The following WWOX variants were observed in gnomAD, a reference collection of about 807,000 sequenced individuals.
WWOX encodes the protein WW domain containing oxidoreductase, also known as WW domain-containing oxidoreductase.
In WWOX, 69 loss-of-function variants were observed where a neutral mutation model predicts 46.2. The ratio of observed to expected loss-of-function variants is 1.49; its 90% CI spans 1.23 to 1.82. WWOX has a LOEUF of 1.82. WWOX is among the 40% of genes most tolerant of loss of function. The pLI is 0.00. For synonymous variants in WWOX, 359 were observed against 202.6 expected, an observed-to-expected ratio of 1.77 and a Z score of -6.56; for missense variants, 919 against 542.6, an observed-to-expected ratio of 1.69 and a Z score of -6.89.
chr16:78,564,577 A>G (rs542188971), intron 8 of WWOX, among the ~76,000 whole-genome samples: 3 of 152,196 alleles, frequency 2.0e-5, no homozygotes, highest in Admixed American at 6.5e-5. Context: ...GAGGTCTCAT[A>G]TCAAGAAAAG....
At position 78,710,486 on chromosome 16, in the gene WWOX, A is replaced by ATATATATATATATATATATATT. The variant is rs1303049001; in HGVS notation, c.1056+277747_1056+277748insATATATATTTATATATATATAT. ...GCTAATGGATCTCATATATATATAT[A>ATATATATATATATATATATATT]TATATATATATATTTATATAAATAT... On this transcript the variant is annotated intron_variant, in intron 8 of 8. Coordinates refer to ENST00000566780, the MANE Select transcript of WWOX (RefSeq NM_016373.4). 5.7e-3 allele frequency among the ~76,000 whole-genome samples: 731 copies of ATATATATATATATATATATATT among 127,236 alleles called. 17 individuals carry two copies. The highest frequency in any genetic ancestry group is 9.5e-3 in the Non-Finnish European group (574 of 60,416). The allele number at this position is 127,236 out of a possible 152,430, so 83.5% of individuals were successfully genotyped here.
At chr16:79,139,316 A>G (rs72797415) in intron 8 of WWOX, among the ~76,000 whole-genome samples, 2,886 of 152,320 alleles carry the variant, frequency 0.019, 46 homozygotes, top group Middle Eastern at 0.061. Flanking sequence ...CAGCTACAGA[A>G]GCAAAGTGTT....
At chr16:78,419,526 AAAAT>A (rs1319452235) in intron 6 of WWOX, among the ~76,000 whole-genome samples, 3 of 151,792 alleles carry the variant, frequency 2.0e-5, no homozygotes, top group Admixed American at 2.0e-4. Context: ...AAGACAATTC[AAAAT>A]AGTCTTTTCA....
chr16:79,180,543 G>C (rs1042281478), intron 8 of WWOX, among the ~76,000 whole-genome samples: 1 of 152,160 alleles, frequency 6.6e-6, no homozygotes, highest in Non-Finnish European at 1.5e-5. Flanking sequence ...AGGAGATAGG[G>C]GCAGGAGGAA....
chr16:78,137,473 C>T lies in WWOX; in HGVS notation c.409+22319C>T, dbSNP rs868521750. Among the ~76,000 whole-genome samples the T allele has an allele frequency of 4.6e-5, 7 of 152,128 alleles. No homozygotes were observed. The South Asian group carries it at 8.3e-4, about 18-fold the overall frequency. On this transcript the variant is annotated intron_variant, in intron 4 of 8. Coordinates refer to ENST00000566780, the MANE Select transcript of WWOX (RefSeq NM_016373.4). ...GAAAGCAACTAGTGTGGTGTCTGACCGCTTGTGTTAGTCCATGAGGAATTT... is the reference window on the plus strand; with the variant it reads ...GAAAGCAACTAGTGTGGTGTCTGACTGCTTGTGTTAGTCCATGAGGAATTT...
intron 5 of WWOX, among the ~76,000 whole-genome samples, chr16:78,353,624 T>C (rs936877380): frequency 6.6e-6 from 1 of 152,248 alleles, no homozygotes; most frequent in Non-Finnish European, 1.5e-5. Context: ...GGATAATTAG[T>C]ATTATCTTTG....
chr16:78,126,279 A>G (rs1379058763), intron 4 of WWOX, among the ~76,000 whole-genome samples: 1 of 152,190 alleles, frequency 6.6e-6, no homozygotes, highest in Non-Finnish European at 1.5e-5. Context: ...GGAATTGCTG[A>G]ATGAAGTGAT....
At chr16:79,132,127 AACACACACACACACACACAC>A (rs141785224) in intron 8 of WWOX, among the ~76,000 whole-genome samples, 21 of 141,584 alleles carry the variant, frequency 1.5e-4, no homozygotes, top group East Asian at 2.1e-4. Context: ...CACTTGCAGA[AACACACACACACACACACAC>A]ACACACACAC....
chr16:79,021,106 G>C (rs1007998383), intron 8 of WWOX, among the ~76,000 whole-genome samples: 5 of 152,204 alleles, frequency 3.3e-5, no homozygotes, highest in African/African-American at 9.6e-5. Context: ...TGCTAGTCCA[G>C]TGCTTGGCCA....
At chr16:78,442,461 C>A (rs988337788) in intron 8 of WWOX, among the ~76,000 whole-genome samples, 1 of 152,120 alleles carries the variant, frequency 6.6e-6, no homozygotes, top group Non-Finnish European at 1.5e-5. Flanking sequence ...TTCCCCACTA[C>A]CAGCCCCTCC....
chr16:78,897,524 G>T (rs1006922238), intron 8 of WWOX: 4 of 152,136 alleles, frequency 2.6e-5, no homozygotes, highest in Admixed American at 1.3e-4. Context: ...TTCAATGCTG[G>T]ATAGTATCCT....
chr16:78,876,732 C>A (rs1011682940), intron 8 of WWOX, among the ~76,000 whole-genome samples: 1 of 152,066 alleles, frequency 6.6e-6, no homozygotes, highest in Non-Finnish European at 1.5e-5. Context: ...TGGATTTTAT[C>A]TCAGAAAATT....
In WWOX at chr16:78,541,052, TA is replaced by T. The variant is rs1567631748; in HGVS notation, c.1056+108301del. On this transcript the variant is annotated intron_variant, in intron 8 of 8. Coordinates refer to ENST00000566780, the MANE Select transcript of WWOX (RefSeq NM_016373.4). ...GTGGCGTGGGTAGATACAATTAATT[TA>T]GATTTTTTAAAAGGCTTTTGAGAAT... Among the ~76,000 whole-genome samples the T allele has an allele frequency of 2.6e-5, 4 of 152,296 alleles. No individual in the cohort carries two copies. The East Asian group carries it at 7.7e-4, about 29-fold the overall frequency.
At chr16:78,359,724 C>T (rs1174113376) in intron 5 of WWOX, among the ~76,000 whole-genome samples, 1 of 152,294 alleles carries the variant, frequency 6.6e-6, no homozygotes, top group East Asian at 1.9e-4. Flanking sequence ...TTTTACGAGA[C>T]AACGTGATGT....
intron 8 of WWOX, among the ~76,000 whole-genome samples, chr16:78,731,886 A>T (rs1295341144): frequency 8.1e-6 from 1 of 123,768 alleles, no homozygotes. Context: ...CTTGCTTTAT[A>T]GCCCAAGCTG....
chr16:78,573,487 C>T (rs559308266), intron 8 of WWOX, among the ~76,000 whole-genome samples: 1 of 152,182 alleles, frequency 6.6e-6, no homozygotes, highest in Non-Finnish European at 1.5e-5. Flanking sequence ...TTCTATATGT[C>T]AGATGCATCT....
intron 8 of WWOX, among the ~76,000 whole-genome samples, chr16:78,855,852 C>G (rs1303008907): frequency 6.6e-6 from 1 of 152,148 alleles, no homozygotes; most frequent in Non-Finnish European, 1.5e-5. Flanking sequence ...CTGTGTGAAG[C>G]CCAGGGGATC....
At chr16:78,217,032 A>G (rs1014838360) in intron 5 of WWOX, among the ~76,000 whole-genome samples, 2 of 152,130 alleles carry the variant, frequency 1.3e-5, no homozygotes, top group African/African-American at 4.8e-5. Context: ...CCCTCTCCCT[A>G]TTTTAATGCG....
intron 8 of WWOX, among the ~76,000 whole-genome samples, chr16:78,839,650 T>C (rs777423725): frequency 5.9e-5 from 9 of 152,164 alleles, no homozygotes; most frequent in South Asian, 2.1e-4. Context: ...CTCACTGTTA[T>C]GGAGGGTGGG....
Sources: gnomAD v4.1 joint callset for allele counts (sites outside exome capture counted in the v4.1 genomes callset) on GRCh38, gnomAD v4.1.1 for gene constraint, MANE v1.5 for transcripts, NCBI Gene and HGNC (gene_info 2026-07-23, HGNC 2026-07-21) for gene names.